HIVEP1: variants seen among roughly 807,000 people sequenced by gnomAD.
The protein encoded by HIVEP1 is HIVEP zinc finger 1.
A neutral mutation model predicts 180.0 loss-of-function variants in HIVEP1; 36 were observed. The ratio of observed to expected loss-of-function variants is 0.20; its 90% confidence interval spans 0.15 to 0.26. The LOEUF (loss-of-function observed/expected upper bound fraction) is 0.26, where lower values mean the gene tolerates loss of function less well. HIVEP1 is among the 10% of genes least tolerant of loss of function. The pLI, the probability that HIVEP1 is intolerant of heterozygous loss-of-function variation, is 1.00. For missense variants in HIVEP1, 3,143 were observed against 3,268.7 expected, an observed-to-expected ratio of 0.96 and a Z score of 0.94; for synonymous variants, 1,239 against 1,239.0, an observed-to-expected ratio of 1.00 and a Z score of 0.00.
At chr6:12,193,958 A>G in the HIVEP1 span, among the ~76,000 whole-genome samples, 22,918 of 152,196 alleles carry the variant, frequency 0.15, 2,050 homozygotes, top group Middle Eastern at 0.23. Context: ...AGGAAATAAT[A>G]GGTAGCATGA....
chr6:12,128,368 A>G (rs1340098499), intron 4 of HIVEP1, among the ~76,000 whole-genome samples: 1 of 152,158 alleles, frequency 6.6e-6, no homozygotes, highest in East Asian at 1.9e-4. Context: ...CCAAGGTACT[A>G]TTCTGAGGCC....
At position 12,123,285 on chromosome 6, in the gene HIVEP1, G is replaced by C. The variant is rs2113525366; in HGVS notation, c.3490G>C (p.Glu1164Gln). The change falls in exon 4 of 9, where the codon GAG becomes CAG. Residue 1164 changes from glutamate (E) to glutamine (Q), a missense_variant. Glu to Gln is a conservative substitution (Grantham distance 29). Coordinates refer to ENST00000379388, the MANE Select transcript of HIVEP1 (RefSeq NM_002114.4). ...AAGAGCCTCCCCAGTTTCTTTCCAGGAGCTGAATAGAACGGGGAAGTCCGG... is the reference window on the plus strand; with the variant it reads ...AAGAGCCTCCCCAGTTTCTTTCCAGCAGCTGAATAGAACGGGGAAGTCCGG... The part of the protein sequence containing the change: ...FERASPVSFQ[E>Q]LNRTGKSGSL... 1 of 1,614,146 alleles carries C rather than the reference G, an allele frequency of 6.2e-7. No individual in the cohort carries two copies. Among genetic ancestry groups the C allele is most frequent in the East Asian group, 2.2e-5 (1 of 44,882 alleles).
rs1283814768 is a variant in HIVEP1, at chr6:12,124,615, A to G, written c.4820A>G (p.Asp1607Gly). 3 of 1,614,052 alleles carry G rather than the reference A, an allele frequency of 1.9e-6. No homozygotes were observed. Among genetic ancestry groups the G allele is most frequent in the African/African-American group, 2.7e-5 (2 of 74,920 alleles). Residue 1607 changes from aspartate (D) to glycine (G), a missense_variant, in exon 4 of 9, where the codon GAC becomes GGC. Asp to Gly is a moderately conservative substitution (Grantham distance 94, BLOSUM62 -1). This residue lies in a region of HIVEP1 where 1,357 missense variants were observed against 1,260.5 expected (regional missense o/e 1.08). Transcript: ENST00000379388. ...TSATLPTKLIDSMSNSHPLLP... is the reference protein window; with the variant it reads ...TSATLPTKLIGSMSNSHPLLP... Reference sequence around the variant, plus strand: ...GCAACATTACCAACCAAATTAATTGACAGCATGTCTAATTCGCATCCTCTG... The same window carrying G: ...GCAACATTACCAACCAAATTAATTGGCAGCATGTCTAATTCGCATCCTCTG...
intron 3 of HIVEP1, among the ~76,000 whole-genome samples, chr6:12,095,445 T>A (rs1773727273): frequency 6.6e-6 from 1 of 151,790 alleles, no homozygotes; most frequent in Non-Finnish European, 1.5e-5. Flanking sequence ...TTCATTCTTT[T>A]CTATGCTGGT....
chr6:12,119,675 A>T (rs1014103984), intron 3 of HIVEP1, among the ~76,000 whole-genome samples: 2 of 152,244 alleles, frequency 1.3e-5, no homozygotes, highest in African/African-American at 4.8e-5. Context: ...ATGCACACTT[A>T]GGTCTTTGAA....
downstream of HIVEP1, among the ~76,000 whole-genome samples, chr6:12,167,697 A>C (rs1274498760): frequency 1.6e-5 from 2 of 126,948 alleles, no homozygotes; most frequent in African/African-American, 6.3e-5. Context: ...ATATATATAC[A>C]TATATACATA....
chr6:12,018,111 T>C (rs957854094), intron 2 of HIVEP1, among the ~76,000 whole-genome samples: 7 of 152,324 alleles, frequency 4.6e-5, no homozygotes, highest in Middle Eastern at 3.4e-3. Context: ...GCAGCACCAG[T>C]GGGCCGGCAC....
At chr6:12,187,981 G>T in the HIVEP1 span, among the ~76,000 whole-genome samples, 1 of 152,160 alleles carries the variant, frequency 6.6e-6, no homozygotes, top group Non-Finnish European at 1.5e-5. Context: ...CTCATTAAAA[G>T]CAATACAAGA....
chr6:12,185,244 C>T, the HIVEP1 span, among the ~76,000 whole-genome samples: 1 of 152,208 alleles, frequency 6.6e-6, no homozygotes, highest in African/African-American at 2.4e-5. Context: ...GTAAGGCGTT[C>T]ACCCAGATTG....
chr6:12,180,990 A>C, the HIVEP1 span, among the ~76,000 whole-genome samples: 1 of 152,234 alleles, frequency 6.6e-6, no homozygotes, highest in Non-Finnish European at 1.5e-5. Context: ...CTGTCAGGGT[A>C]AGACCTCATG....
At chr6:12,183,856 C>T in the HIVEP1 span, among the ~76,000 whole-genome samples, 1 of 152,068 alleles carries the variant, frequency 6.6e-6, no homozygotes, top group African/African-American at 2.4e-5. Context: ...TGTGAAGTTA[C>T]TGAAGTTTGA....
intron 2 of HIVEP1, among the ~76,000 whole-genome samples, chr6:12,073,562 G>A (rs557083454): frequency 6.6e-6 from 1 of 152,128 alleles, no homozygotes; most frequent in Non-Finnish European, 1.5e-5. Context: ...CTGGGGGAAA[G>A]ACCATTTAAA....
chr6:12,016,529 TG>T (rs1315391354), intron 2 of HIVEP1, among the ~76,000 whole-genome samples: 3 of 152,182 alleles, frequency 2.0e-5, no homozygotes, highest in Non-Finnish European at 2.9e-5. Context: ...TAATTTGAAA[TG>T]TTTTTTGGTA....
At chr6:12,165,061 T>C, downstream of HIVEP1, 2 of 482,090 alleles carry the variant, frequency 4.1e-6, no homozygotes, top group South Asian at 3.1e-5. Context: ...ATTTGGAAAA[T>C]AGCCCTGGGT....
intron 4 of HIVEP1, among the ~76,000 whole-genome samples, chr6:12,129,004 A>G (rs1485642468): frequency 6.6e-6 from 1 of 152,110 alleles, no homozygotes; most frequent in African/African-American, 2.4e-5. Flanking sequence ...TGAGGTCAGG[A>G]GTATAAGACT....
intron 2 of HIVEP1, among the ~76,000 whole-genome samples, chr6:12,062,564 A>C (rs1249523215): frequency 6.6e-6 from 1 of 152,096 alleles, no homozygotes; most frequent in Non-Finnish European, 1.5e-5. Context: ...TGGGGAATAA[A>C]ATATTTGAGT....
At chr6:12,089,713 C>A (rs6940075) in intron 3 of HIVEP1, among the ~76,000 whole-genome samples, 2 of 151,570 alleles carry the variant, frequency 1.3e-5, no homozygotes, top group Non-Finnish European at 2.9e-5. Flanking sequence ...TGGGGTATCA[C>A]GCAGCTTTGA....
At position 12,122,864 on chromosome 6, in the gene HIVEP1, A is replaced by G. The variant is rs770944799; in HGVS notation, c.3069A>G (p.Glu1023=). 3 of 1,614,022 alleles carry G rather than the reference A, an allele frequency of 1.9e-6. No individual in the cohort carries two copies. The highest frequency in any genetic ancestry group is 1.1e-5 in the South Asian group (1 of 91,086). Residue 1023 remains glutamate (E), a synonymous_variant, in exon 4 of 9, where the codon GAA becomes GAG. Transcript: ENST00000379388. ...TCGCTGGGTCCTCCGGCATCTGGGA[A>G]CAGACGCCCCAGATAAGAAAAAGGA... ...YRVAGSSGIW[E]QTPQIRKRRK... is the part of the protein sequence containing the mutation.
chr6:12,210,909 G>A, the HIVEP1 span, among the ~76,000 whole-genome samples: 2 of 151,704 alleles, frequency 1.3e-5, no homozygotes, highest in Admixed American at 1.3e-4. Context: ...TTTTTCTGCT[G>A]CTGTTTTAGA....
Sources: gnomAD v4.1 joint callset for allele counts (sites outside exome capture counted in the v4.1 genomes callset) on GRCh38, gnomAD v4.1.1 for gene constraint, gnomAD v4.1.1 regional missense constraint, MANE v1.5 for transcripts, NCBI Gene and HGNC (gene_info 2026-07-23, HGNC 2026-07-21) for gene names.